Variants in TMPRSS11F observed in about 807,000 individuals in gnomAD.
TMPRSS11F encodes transmembrane protease serine 11F.
Under a neutral mutation model 60.2 loss-of-function variants are expected in TMPRSS11F, and 47 were observed. The ratio of observed to expected loss-of-function variants is 0.78; its 90% confidence interval spans 0.62 to 1.00. The LOEUF is 1.00. TMPRSS11F is among the 50% of genes least tolerant of loss of function. The pLI is 0.00. For synonymous variants in TMPRSS11F, 166 were observed against 167.3 expected (o/e 0.99, Z 0.06); for missense variants, 519 against 522.9 (o/e 0.99, Z 0.07).
chr4:68,059,662 T>C (rs1723116453), intron 8 of TMPRSS11F, among the ~76,000 whole-genome samples, 194 bp from the exon 9 acceptor site: 1 of 152,000 alleles, frequency 6.6e-6, no homozygotes, highest in African/African-American at 2.4e-5. Flanking sequence ...TATATCACAT[T>C]TGTAGATCTT....
At chr4:68,116,617 A>T (rs1724525022) in intron 1 of TMPRSS11F, among the ~76,000 whole-genome samples, 1 of 152,216 alleles carries the variant, frequency 6.6e-6, no homozygotes, top group Admixed American at 6.5e-5. Flanking sequence ...TAGTAATCAA[A>T]ACAATATGGC....
At chr4:68,091,783 C>CTATCTATCTATCTATCTATCTATA (rs1553887421) in intron 2 of TMPRSS11F, among the ~76,000 whole-genome samples, 3 of 54,498 alleles carry the variant, frequency 5.5e-5, no homozygotes, top group African/African-American at 2.1e-4. Flanking sequence ...CTCTCTCTCT[C>CTATCTATCTATCTATCTATCTATA]TATCTATCTA....
chr4:68,092,229 T>C (rs1723958377), intron 2 of TMPRSS11F, among the ~76,000 whole-genome samples: 2 of 152,262 alleles, frequency 1.3e-5, no homozygotes, highest in African/African-American at 4.8e-5. Context: ...ATAAATGCTG[T>C]ATCAGAAAAT....
intron 1 of TMPRSS11F, among the ~76,000 whole-genome samples, chr4:68,107,619 T>C (rs1228567134): frequency 6.6e-6 from 1 of 152,122 alleles, no homozygotes; most frequent in African/African-American, 2.4e-5. Flanking sequence ...AGAGGGAAGA[T>C]GATGGGGTCA....
chr4:68,080,940 A>C (rs1159888658), intron 3 of TMPRSS11F: 1 of 152,254 alleles, frequency 6.6e-6, no homozygotes, highest in Non-Finnish European at 1.5e-5. Flanking sequence ...CAGCCAGGAA[A>C]AGATTCAATA....
intron 8 of TMPRSS11F, among the ~76,000 whole-genome samples, chr4:68,063,708 A>T (rs1240977708): frequency 6.6e-6 from 1 of 152,110 alleles, no homozygotes; most frequent in South Asian, 2.1e-4. Flanking sequence ...AGAGTGAACT[A>T]GTACCTAGAA....
chr4:68,089,258 C>A (rs1723877621), intron 3 of TMPRSS11F, among the ~76,000 whole-genome samples: 1 of 152,048 alleles, frequency 6.6e-6, no homozygotes, highest in Admixed American at 6.6e-5. Context: ...TTTTACATCC[C>A]ATGAACTTTT....
chr4:68,127,600 A>G (rs1197894414), intron 1 of TMPRSS11F, among the ~76,000 whole-genome samples: 4 of 152,160 alleles, frequency 2.6e-5, no homozygotes, highest in Non-Finnish European at 4.4e-5. Flanking sequence ...AAATCATAGA[A>G]TTAAGCATTC....
chr4:68,103,635 C>T (rs1421785135), intron 1 of TMPRSS11F, among the ~76,000 whole-genome samples: 1 of 152,018 alleles, frequency 6.6e-6, no homozygotes, highest in Non-Finnish European at 1.5e-5. Context: ...ATTTTGGCTA[C>T]TCAAGGTCTT....
In TMPRSS11F at chr4:68,079,213, T is replaced by C. The variant is rs1266501134; in HGVS notation, c.283-5204A>G. Among the ~76,000 whole-genome samples the C allele has an allele frequency of 2.0e-5, 3 of 151,660 alleles. No homozygotes were observed. In the East Asian group the frequency reaches 5.9e-4, roughly 30 times the overall value. The stretch of plus-strand genomic sequence containing the variant: ...TATCATTCTCATCAGCTCCATTTGA[T>C]AGATGAAGAAACTGAGACTCAGGAT... On this transcript the variant is annotated intron_variant, in intron 3 of 9. Transcript: ENST00000356291.
chr4:68,064,546 T>G (rs1723280181), intron 8 of TMPRSS11F, 139 bp downstream of exon 8: 1 of 960,734 alleles, frequency 1.0e-6, no homozygotes, highest in Non-Finnish European at 1.5e-6. Flanking sequence ...TAACCCACAG[T>G]CTCCTGTTCT....
intron 1 of TMPRSS11F, among the ~76,000 whole-genome samples, chr4:68,105,679 G>A (rs1724290662): frequency 6.6e-6 from 1 of 152,070 alleles, no homozygotes; most frequent in African/African-American, 2.4e-5. Flanking sequence ...TGACCTGACA[G>A]TTTATAGTTA....
At chr4:68,080,535 T>G (rs1204865596) in intron 3 of TMPRSS11F, 1 of 152,274 alleles carries the variant, frequency 6.6e-6, no homozygotes, top group Non-Finnish European at 1.5e-5. Context: ...TGGTAGGCTA[T>G]GCTCCACCTT....
chr4:68,109,255 C>T (rs1334110752), intron 1 of TMPRSS11F, among the ~76,000 whole-genome samples: 1 of 152,054 alleles, frequency 6.6e-6, no homozygotes, highest in Admixed American at 6.6e-5. Context: ...AGGTCCAGTA[C>T]TCCAGTACCA....
chr4:68,062,905 T>C lies in TMPRSS11F; in HGVS notation c.1015+1780A>G, dbSNP rs769337670. On this transcript the variant is annotated intron_variant, in intron 8 of 9. Coordinates refer to ENST00000356291, the MANE Select transcript of TMPRSS11F (RefSeq NM_207407.2). ...TTAAGTGGCTGCCTTTTATCACTTC[T>C]GCTGATAGTCTCCCATTTGTGGCAT... 5.0e-6 allele frequency: 4 copies of C among 806,060 alleles called. No homozygotes were observed. In the East Asian group the frequency reaches 1.0e-4, roughly 21 times the overall value. The allele number at this position is 806,060 out of a possible 1,614,324, so 49.9% of individuals were successfully genotyped here.
intron 9 of TMPRSS11F, among the ~76,000 whole-genome samples, chr4:68,056,295 C>T (rs1259926640): frequency 6.6e-6 from 1 of 151,930 alleles, no homozygotes; most frequent in Non-Finnish European, 1.5e-5. Context: ...CAACAAAAAG[C>T]TGTTAGAAGA....
Position 68,063,453 on chromosome 4 carries a change from T to C in TMPRSS11F, c.1015+1232A>G, listed in dbSNP as rs192467850. 2.2e-3 allele frequency among the ~76,000 whole-genome samples: 331 copies of C among 152,284 alleles called. 3 individuals are homozygous for C. The highest frequency in any genetic ancestry group is 0.01 in the South Asian group (49 of 4,816). On this transcript the variant is annotated intron_variant, in intron 8 of 9. Coordinates refer to ENST00000356291, the MANE Select transcript of TMPRSS11F (RefSeq NM_207407.2). Reference sequence around the variant, plus strand: ...GTGCAATGGCGCAGTCTCGGCTCACTGTAACCTCCACCTCCCAGAGTCAAG... The same window carrying C: ...GTGCAATGGCGCAGTCTCGGCTCACCGTAACCTCCACCTCCCAGAGTCAAG...
chr4:68,075,680 G>A (rs1310361496), intron 3 of TMPRSS11F, among the ~76,000 whole-genome samples: 4 of 152,128 alleles, frequency 2.6e-5, no homozygotes, highest in African/African-American at 7.2e-5. Flanking sequence ...CATTTTCCTG[G>A]AAGAAGAAAG....
intron 1 of TMPRSS11F, among the ~76,000 whole-genome samples, chr4:68,109,391 T>C (rs1724363667): frequency 6.6e-6 from 1 of 152,082 alleles, no homozygotes; most frequent in Admixed American, 6.6e-5. Flanking sequence ...AAAATTAGGG[T>C]CATGCTGAGA....
Sources: gnomAD v4.1 joint callset for allele counts (sites outside exome capture counted in the v4.1 genomes callset) on GRCh38, gnomAD v4.1.1 for gene constraint, MANE v1.5 for transcripts, NCBI Gene and HGNC (gene_info 2026-07-23, HGNC 2026-07-21) for gene names.